TMEM232: variants seen among roughly 807,000 people sequenced by gnomAD.
The protein encoded by TMEM232 is transmembrane protein 232.
Under a neutral mutation model 78.8 loss-of-function variants are expected in TMEM232, and 80 were observed. The ratio of observed to expected loss-of-function variants is 1.01; its 90% CI spans 0.85 to 1.22. The LOEUF (loss-of-function observed/expected upper bound fraction) is 1.22, where lower values mean the gene tolerates loss of function less well. Among genes scored for constraint, TMEM232 ranks in the 50% most tolerant of loss-of-function variants. TMEM232 has a pLI of 0.00. For synonymous variants in TMEM232, 297 were observed against 254.3 expected (o/e 1.17, Z -1.60); for missense variants, 881 against 742.2 (o/e 1.19, Z -2.17).
intron 12 of TMEM232, among the ~76,000 whole-genome samples, chr5:110,432,456 CT>C (rs1042927922): frequency 6.6e-6 from 1 of 151,560 alleles, no homozygotes; most frequent in African/African-American, 2.4e-5. Flanking sequence ...CACATCTTAA[CT>C]GGCCCTCCAA....
chr5:110,531,649 C>G (rs111553482), intron 11 of TMEM232, among the ~76,000 whole-genome samples: 2,744 of 152,282 alleles, frequency 0.018, 97 homozygotes, highest in African/African-American at 0.064. Flanking sequence ...AGCCCTCCCC[C>G]ACCTGCCCAG....
intron 10 of TMEM232, among the ~76,000 whole-genome samples, chr5:110,585,502 T>G (rs1778705093): frequency 6.6e-6 from 1 of 152,094 alleles, no homozygotes; most frequent in Non-Finnish European, 1.5e-5. Context: ...TTTCACAATG[T>G]TTGTTGGGAA....
At position 110,453,317 on chromosome 5, in the gene TMEM232, T is replaced by G. The variant is rs555230090; in HGVS notation, c.1704-28401A>C. ...TTTTAAATTTTATTTTATTTTATTT[T>G]TTTGAGATGGAGTCTCACTCCATCG... On this transcript the variant is annotated intron_variant, in intron 12 of 13. Coordinates refer to ENST00000455884, the MANE Select transcript of TMEM232 (RefSeq NM_001039763.4). Among the ~76,000 whole-genome samples, 6 of 152,218 alleles carry G rather than the reference T, an allele frequency of 3.9e-5. No homozygotes were observed. The South Asian group carries it at 1.2e-3, about 32-fold the overall frequency.
chr5:110,568,676 A>G lies in TMEM232; in HGVS notation c.1277-51T>C, dbSNP rs1278783298. Reference sequence around the variant, plus strand: ...GAATTATCATTTTATTCACCTTGCTAAAGTATGATTGTGTGAAACAGAATA... The same window carrying G: ...GAATTATCATTTTATTCACCTTGCTGAAGTATGATTGTGTGAAACAGAATA... On this transcript the variant is annotated intron_variant, in intron 10 of 13. Coordinates refer to ENST00000455884, the MANE Select transcript of TMEM232 (RefSeq NM_001039763.4). 3 of 1,481,166 alleles carry G rather than the reference A, an allele frequency of 2.0e-6. No homozygotes were observed. The East Asian group carries it at 7.5e-5, about 37-fold the overall frequency. The allele number at this position is 1,481,166 out of a possible 1,614,324, so 91.8% of individuals were successfully genotyped here.
At chr5:110,612,755 C>T (rs1000890535) in intron 8 of TMEM232, among the ~76,000 whole-genome samples, 7 of 152,118 alleles carry the variant, frequency 4.6e-5, no homozygotes, top group Non-Finnish European at 7.4e-5. Flanking sequence ...TATAATTTTA[C>T]GTCATACTGC....
At chr5:110,629,509 T>A (rs1362297727) in intron 5 of TMEM232, among the ~76,000 whole-genome samples, 1 of 152,164 alleles carries the variant, frequency 6.6e-6, no homozygotes. Flanking sequence ...ATTATTTGTG[T>A]ACATATTCTC....
At chr5:110,642,785 T>C (rs776156767) in intron 2 of TMEM232, among the ~76,000 whole-genome samples, 4 of 152,088 alleles carry the variant, frequency 2.6e-5, no homozygotes, top group Non-Finnish European at 4.4e-5. Context: ...CCAAACATGG[T>C]TGGATTTGAG....
chr5:110,650,549 T>G (rs1432761741), intron 2 of TMEM232, among the ~76,000 whole-genome samples: 1 of 152,146 alleles, frequency 6.6e-6, no homozygotes, highest in Non-Finnish European at 1.5e-5. Context: ...GTGCTTAACC[T>G]CAGGTCTCTC....
intron 1 of TMEM232, among the ~76,000 whole-genome samples, chr5:110,705,895 C>T (rs1212659877): frequency 6.6e-6 from 1 of 151,540 alleles, no homozygotes; most frequent in Middle Eastern, 3.2e-3. Flanking sequence ...TAATTTCAAC[C>T]CCCCTCCAAA....
intron 3 of TMEM232, among the ~76,000 whole-genome samples, chr5:110,392,817 A>G (rs546388649): frequency 6.6e-6 from 1 of 152,276 alleles, no homozygotes; most frequent in East Asian, 1.9e-4. Flanking sequence ...CCTTTCAATG[A>G]CCTAACATGG....
At chr5:110,389,739 G>C (rs567920216) in intron 4 of TMEM232, among the ~76,000 whole-genome samples, 132 of 152,278 alleles carry the variant, frequency 8.7e-4, no homozygotes, top group Non-Finnish European at 1.2e-3. Context: ...TATCAGACAG[G>C]TATGAAGATT....
At chr5:110,576,543 A>G (rs971841042) in intron 10 of TMEM232, among the ~76,000 whole-genome samples, 3 of 152,062 alleles carry the variant, frequency 2.0e-5, no homozygotes, top group African/African-American at 7.2e-5. Flanking sequence ...GAAAATCTAT[A>G]TGGAATAACA....
chr5:110,537,410 T>C (rs1772525566), intron 11 of TMEM232, among the ~76,000 whole-genome samples: 2 of 152,286 alleles, frequency 1.3e-5, no homozygotes, highest in African/African-American at 2.4e-5. Context: ...TTTTGCAAGA[T>C]GCACGGCAAA....
At chr5:110,714,326 T>A (rs1265019176) in intron 1 of TMEM232, among the ~76,000 whole-genome samples, 1 of 152,160 alleles carries the variant, frequency 6.6e-6, no homozygotes, top group African/African-American at 2.4e-5. Flanking sequence ...TATACAGTGG[T>A]AACTACATAT....
intron 12 of TMEM232, among the ~76,000 whole-genome samples, chr5:110,509,024 T>C (rs1352196174): frequency 2.8e-5 from 4 of 142,560 alleles, no homozygotes; most frequent in African/African-American, 8.0e-5. Context: ...ATATATACAA[T>C]TATATATACA....
At chr5:110,561,002 C>T (rs535131035) in intron 11 of TMEM232, among the ~76,000 whole-genome samples, 6 of 151,898 alleles carry the variant, frequency 4.0e-5, no homozygotes, top group South Asian at 2.1e-4. Flanking sequence ...CAGAATAAAA[C>T]GTAAATGAAG....
intron 11 of TMEM232, among the ~76,000 whole-genome samples, chr5:110,547,928 G>T (rs1265546387): frequency 1.3e-5 from 2 of 150,230 alleles, no homozygotes; most frequent in Non-Finnish European, 3.0e-5. Context: ...AACCCGGGAG[G>T]CGAAGGTTGC....
intron 10 of TMEM232, among the ~76,000 whole-genome samples, chr5:110,587,567 T>C (rs976101048): frequency 1.1e-4 from 16 of 151,328 alleles, no homozygotes; most frequent in Admixed American, 6.6e-5. Flanking sequence ...CCTTACTCTT[T>C]CCTTGAAAAT....
At position 110,667,513 on chromosome 5, in the gene TMEM232, A is replaced by G. The variant is rs185092150; in HGVS notation, c.-12-149T>C. The stretch of plus-strand genomic sequence containing the variant: ...CTATATTAAGGAAGAATTTAAATAA[A>G]TAAGTAAACCATAAGGATATGGAAA... On this transcript the variant is annotated intron_variant, in intron 1 of 13. Coordinates refer to ENST00000455884, the MANE Select transcript of TMEM232 (RefSeq NM_001039763.4). The G allele has an allele frequency of 2.0e-4, 116 of 585,772 alleles. 1 individual carries two copies. In the East Asian group the frequency reaches 3.7e-3, roughly 19 times the overall value. The allele number at this position is 585,772 out of a possible 1,614,324, so 36.3% of individuals were successfully genotyped here. A position where few individuals can be genotyped will look rare whatever the true frequency, so the allele number is the denominator to read the frequency against.
Sources: allele counts gnomAD v4.1 joint callset (sites outside exome capture counted in the v4.1 genomes callset), GRCh38; gene constraint gnomAD v4.1.1; transcripts MANE v1.5; gene names NCBI Gene and HGNC (gene_info 2026-07-23, HGNC 2026-07-21).